Variants in DCLK1 observed in about 807,000 individuals in gnomAD.
The protein encoded by DCLK1 is serine/threonine-protein kinase DCLK1.
In DCLK1, 16 loss-of-function variants were observed where a neutral mutation model predicts 86.2. That is an observed-to-expected ratio of 0.19 (90% CI 0.13 to 0.28). The LOEUF (loss-of-function observed/expected upper bound fraction) is 0.28, where lower values mean the gene tolerates loss of function less well. Among genes scored for constraint, DCLK1 ranks in the 10% least tolerant of loss-of-function variants. The pLI is 1.00. For synonymous variants in DCLK1, 369 were observed against 370.5 expected (o/e 1.00, Z 0.05); for missense variants, 590 against 940.2 (o/e 0.63, Z 4.87).
intron 15 of DCLK1, among the ~76,000 whole-genome samples, chr13:35,795,849 C>T (rs187882018): frequency 6.7e-6 from 1 of 150,136 alleles, no homozygotes; most frequent in Non-Finnish European, 1.5e-5. Flanking sequence ...TAGCTTGAGC[C>T]CGGAGGCGGA....
chr13:36,096,667 T>C (rs1247397192), intron 3 of DCLK1, among the ~76,000 whole-genome samples: 1 of 152,198 alleles, frequency 6.6e-6, no homozygotes, highest in Non-Finnish European at 1.5e-5. Flanking sequence ...ATGGAAGCCA[T>C]ATTTTAACTA....
chr13:36,032,725 C>T (rs998468900), intron 3 of DCLK1, among the ~76,000 whole-genome samples: 1 of 152,140 alleles, frequency 6.6e-6, no homozygotes, highest in African/African-American at 2.4e-5. Flanking sequence ...CAGCTCCTGC[C>T]CCGGGAGCGG....
rs543259276 is a variant in DCLK1, at chr13:35,849,255, A to C, written c.1035+5244T>G. 2.0e-4 allele frequency: 193 copies of C among 985,408 alleles called. No homozygotes were observed. In the African/African-American group the frequency reaches 3.2e-3, roughly 17 times the overall value. 61.0% of individuals were successfully genotyped at this position (985,408 alleles called of 1,614,324 possible). A position where few individuals can be genotyped will look rare whatever the true frequency, so the allele number is the denominator to read the frequency against. On this transcript the variant is annotated intron_variant, in intron 6 of 16. Transcript: ENST00000360631. ...AGATGGTAAAATTTGCTAGTTGAAC[A>C]ATTTATCAGGGAGATAAATCAATAA... is the stretch of plus-strand genomic sequence containing the variant.
chr13:35,958,639 A>C (rs1878281659), intron 3 of DCLK1, among the ~76,000 whole-genome samples: 1 of 152,222 alleles, frequency 6.6e-6, no homozygotes, highest in African/African-American at 2.4e-5. Context: ...TTTGTTCTAA[A>C]TGAGCTGAGG....
At chr13:35,833,102 G>A (rs1469126592) in intron 8 of DCLK1, among the ~76,000 whole-genome samples, 5 of 152,124 alleles carry the variant, frequency 3.3e-5, no homozygotes, top group Non-Finnish European at 7.4e-5. Context: ...CAGCAGCTTG[G>A]GGCACACATC....
rs547411650 is a variant in DCLK1, at chr13:36,045,213, T to C, written c.723+66656A>G. ...ATTTTACCATAGTCACCTCATCACA[T>C]ATCCAGCCATCTACCCATGCTCTAT... On this transcript the variant is annotated intron_variant, in intron 3 of 16. Transcript: ENST00000360631. Among the ~76,000 whole-genome samples, 5 of 147,814 alleles carry C rather than the reference T, an allele frequency of 3.4e-5. No individual in the cohort carries two copies. The East Asian group carries it at 9.9e-4, about 29-fold the overall frequency.
chr13:35,876,652 C>T (rs1236110474), intron 4 of DCLK1, among the ~76,000 whole-genome samples: 1 of 152,112 alleles, frequency 6.6e-6, no homozygotes, highest in Non-Finnish European at 1.5e-5. Context: ...CCTAAATGGC[C>T]AGTAATGTAG....
intron 3 of DCLK1, among the ~76,000 whole-genome samples, chr13:36,083,092 G>T (rs1224243086): frequency 2.0e-5 from 3 of 152,100 alleles, no homozygotes; most frequent in Non-Finnish European, 4.4e-5. Flanking sequence ...ATTCCAAACT[G>T]CTATTTAAAA....
chr13:35,880,386 T>C (rs905246435), intron 4 of DCLK1, among the ~76,000 whole-genome samples: 1 of 152,202 alleles, frequency 6.6e-6, no homozygotes, highest in Non-Finnish European at 1.5e-5. Flanking sequence ...GTGATCAGGC[T>C]GCCCTCTAGG....
At chr13:36,090,030 T>TA (rs1310040892) in intron 3 of DCLK1, among the ~76,000 whole-genome samples, 2 of 152,222 alleles carry the variant, frequency 1.3e-5, no homozygotes, top group Admixed American at 1.3e-4. Context: ...TAGCACTATT[T>TA]AAAAAATTTA....
At chr13:35,941,704 C>G (rs964587986) in intron 4 of DCLK1, among the ~76,000 whole-genome samples, 2 of 152,180 alleles carry the variant, frequency 1.3e-5, no homozygotes, top group African/African-American at 4.8e-5. Context: ...ATACAAAAAT[C>G]TGAAAGCTTG....
chr13:35,825,073 A>T (rs2087487961), intron 10 of DCLK1, among the ~76,000 whole-genome samples: 2 of 152,186 alleles, frequency 1.3e-5, no homozygotes, highest in Admixed American at 1.3e-4. Flanking sequence ...AGAAGGCTAA[A>T]GTCCTGTGCC....
At chr13:35,947,074 C>T (rs959676570) in intron 4 of DCLK1, among the ~76,000 whole-genome samples, 3 of 152,040 alleles carry the variant, frequency 2.0e-5, no homozygotes, top group Non-Finnish European at 4.4e-5. Flanking sequence ...TGTAGAATTC[C>T]ACACCATCAT....
At chr13:35,872,177 T>C (rs1872320844) in intron 4 of DCLK1, among the ~76,000 whole-genome samples, 1 of 152,158 alleles carries the variant, frequency 6.6e-6, no homozygotes, top group African/African-American at 2.4e-5. Context: ...AAAAAATATA[T>C]GCTTGTAAGG....
chr13:36,032,607 T>C (rs939316966), intron 3 of DCLK1, among the ~76,000 whole-genome samples: 1 of 152,150 alleles, frequency 6.6e-6, no homozygotes, highest in African/African-American at 2.4e-5. Flanking sequence ...ATAGGTCAAA[T>C]GGACTCTGAT....
At chr13:36,015,366 T>A (rs1881499890) in intron 3 of DCLK1, among the ~76,000 whole-genome samples, 1 of 152,142 alleles carries the variant, frequency 6.6e-6, no homozygotes, top group Admixed American at 6.5e-5. Context: ...CAGTAAAACC[T>A]GGGTAAACTA....
chr13:35,793,333 A>T, intron 16 of DCLK1, 33 bp downstream of exon 16: 1 of 1,571,744 alleles, frequency 6.4e-7, no homozygotes. Context: ...GTTGCTTTAA[A>T]AAAAGTTATA....
chr13:35,770,985 A>G lies in DCLK1; in HGVS notation c.*3550T>C, dbSNP rs2086321682. ...AGGAGTTTATCATAGAAATGCTGAC[A>G]GATCCTAACCCAGAGAAGGGCTAAG... On this transcript the variant is annotated 3_prime_UTR_variant, in exon 17 of 17. Coordinates refer to ENST00000360631, the MANE Select transcript of DCLK1 (RefSeq NM_001330071.2). The G allele has an allele frequency of 6.6e-6, 1 of 152,246 alleles. No homozygotes were observed. The highest frequency in any genetic ancestry group is 1.9e-4 in the East Asian group (1 of 5,198). 9.4% of individuals were successfully genotyped at this position (152,246 alleles called of 1,614,324 possible).
intron 5 of DCLK1, chr13:35,855,708 C>A: frequency 7.2e-7 from 1 of 1,384,328 alleles, no homozygotes; most frequent in Non-Finnish European, 9.4e-7. Context: ...GTAAAGCTGA[C>A]GTCTCCCAAG....
Sources: allele counts gnomAD v4.1 joint callset (sites outside exome capture counted in the v4.1 genomes callset), GRCh38; gene constraint gnomAD v4.1.1; transcripts MANE v1.5; gene names NCBI Gene and HGNC (gene_info 2026-07-23, HGNC 2026-07-21).